The following ALMS1 variants were observed in gnomAD, a reference collection of about 807,000 sequenced individuals.
The protein encoded by ALMS1 is centrosome-associated protein ALMS1.
ALMS1 carries 271 observed loss-of-function variants against 352.2 expected under a neutral mutation model. That is an observed-to-expected ratio of 0.77 (90% CI 0.70 to 0.85). The LOEUF is 0.85. ALMS1 is among the 40% of genes least tolerant of loss of function. The probability of loss-of-function intolerance (pLI) is 0.00; values close to 1 mark genes in which losing one functional copy is unlikely to be tolerated. For missense variants in ALMS1, 5,445 were observed against 4,870.7 expected (o/e 1.12, Z -3.51); for synonymous variants, 1,865 against 1,761.2 (o/e 1.06, Z -1.48).
chr2:73,604,780 GC>G (rs1382225059), intron 21 of ALMS1, among the ~76,000 whole-genome samples: 1 of 152,162 alleles, frequency 6.6e-6, no homozygotes, highest in African/African-American at 2.4e-5. Flanking sequence ...GATGTTCTGT[GC>G]CTTTTTTGCT....
At chr2:73,423,028 C>T in intron 4 of ALMS1, 54 bp downstream of exon 4, 16 of 1,474,414 alleles carry the variant, frequency 1.1e-5, no homozygotes, top group Non-Finnish European at 1.5e-5. Context: ...TATGTTTTTA[C>T]TAATATTAGT....
chr2:73,574,554 A>G (rs1017570068), intron 16 of ALMS1, among the ~76,000 whole-genome samples: 1 of 152,200 alleles, frequency 6.6e-6, no homozygotes, highest in Non-Finnish European at 1.5e-5. Flanking sequence ...CCACTGGTCT[A>G]GAGAAAGGGA....
At chr2:73,589,850 C>A (rs1187951017) in intron 16 of ALMS1, among the ~76,000 whole-genome samples, 2 of 152,166 alleles carry the variant, frequency 1.3e-5, no homozygotes, top group Non-Finnish European at 2.9e-5. Flanking sequence ...CTGTCTTTAG[C>A]ATATATACCC....
At chr2:73,600,935 C>T in intron 18 of ALMS1, 54 bp downstream of exon 18, 2 of 1,562,866 alleles carry the variant, frequency 1.3e-6, no homozygotes, top group Non-Finnish European at 1.7e-6. Context: ...TTTCAAGTCC[C>T]CTGCGATGCT....
intron 9 of ALMS1, among the ~76,000 whole-genome samples, chr2:73,464,075 A>C (rs1410828339): frequency 1.3e-5 from 2 of 152,186 alleles, no homozygotes; most frequent in Non-Finnish European, 2.9e-5. Flanking sequence ...AAAAGAGGGA[A>C]TCCTCCCTAA....
intron 12 of ALMS1, among the ~76,000 whole-genome samples, chr2:73,545,823 T>C (rs1674302748): frequency 6.6e-6 from 1 of 152,252 alleles, no homozygotes; most frequent in Non-Finnish European, 1.5e-5. Flanking sequence ...GCATGCACTC[T>C]ACCCTTTATG....
intron 11 of ALMS1, among the ~76,000 whole-genome samples, chr2:73,525,195 T>C (rs1000823869): frequency 1.3e-5 from 2 of 152,356 alleles, no homozygotes; most frequent in Admixed American, 6.5e-5. Flanking sequence ...CTTAGGTTGC[T>C]TCTAAATTTT....
intron 1 of ALMS1, among the ~76,000 whole-genome samples, chr2:73,394,468 C>G (rs536269376): frequency 6.6e-6 from 1 of 152,166 alleles, no homozygotes; most frequent in Non-Finnish European, 1.5e-5. Flanking sequence ...TCTCCTGCCT[C>G]AGCCTCCAGT....
intron 1 of ALMS1, among the ~76,000 whole-genome samples, chr2:73,404,054 C>T (rs1231544402): frequency 6.6e-6 from 1 of 152,124 alleles, no homozygotes; most frequent in Non-Finnish European, 1.5e-5. Context: ...CGCGCTGCCA[C>T]ACCTGGCTAA....
At chr2:73,558,441 T>C (rs975649906) in intron 14 of ALMS1, among the ~76,000 whole-genome samples, 13 of 152,228 alleles carry the variant, frequency 8.5e-5, no homozygotes, top group Admixed American at 2.6e-4. Context: ...TCAAAAACTT[T>C]AGTGTTTCAT....
chr2:73,451,872 C>CT lies in ALMS1; in HGVS notation c.5346dup (p.Leu1783SerfsTer11). On this transcript the variant is annotated frameshift_variant, in exon 8 of 23. Transcript: ENST00000613296. LOFTEE classifies it high-confidence loss of function. The stretch of plus-strand genomic sequence containing the variant: ...CCAGATAGTCATCTAACTGAAGAGG[C>CT]TCTGAAAGTTTCAAATGTTCCTGGA... The CT allele has an allele frequency of 6.2e-7, 1 of 1,613,542 alleles. No individual in the cohort carries two copies. Among genetic ancestry groups the CT allele is most frequent in the Non-Finnish European group, 8.5e-7 (1 of 1,179,708 alleles).
intron 12 of ALMS1, among the ~76,000 whole-genome samples, chr2:73,543,539 T>TTC (rs1184815766): frequency 6.6e-6 from 1 of 152,092 alleles, no homozygotes; most frequent in African/African-American, 2.4e-5. Context: ...ACTAAAGAGC[T>TTC]TCTGCACAGT....
At chr2:73,386,431 G>T (rs1670536139) in intron 1 of ALMS1, among the ~76,000 whole-genome samples, 1 of 152,132 alleles carries the variant, frequency 6.6e-6, no homozygotes, top group African/African-American at 2.4e-5. Context: ...TTGAACTCCC[G>T]TAGACGTTCA....
intron 1 of ALMS1, 32 bp from the exon 2 acceptor site, chr2:73,408,590 T>C (rs1320943807): frequency 1.2e-6 from 2 of 1,605,960 alleles, no homozygotes; most frequent in East Asian, 2.2e-5. Context: ...GATTGTGTTA[T>C]TACTCTATTT....
intron 9 of ALMS1, among the ~76,000 whole-genome samples, chr2:73,482,379 T>G (rs2103868977): frequency 6.6e-6 from 1 of 152,338 alleles, no homozygotes. Context: ...CTGGATTACA[T>G]TTATTGATTT....
In ALMS1 at chr2:73,453,532, T is replaced by C. The variant is rs781592497; in HGVS notation, c.7005T>C (p.Asp2335=). ...ESPSSRCIQK[D]IGTQTNLKCR... is the part of the protein sequence containing the mutation. ...CAAGCAGCAGGTGCATACAGAAGGATATTGGCACACAGACGAATTTGAAAT... is the reference window on the plus strand; with the variant it reads ...CAAGCAGCAGGTGCATACAGAAGGACATTGGCACACAGACGAATTTGAAAT... Residue 2335 remains aspartate, a synonymous_variant, in exon 8 of 23, where the codon GAT becomes GAC. Transcript: ENST00000613296. 6.2e-6 allele frequency: 10 copies of C among 1,613,558 alleles called. No individual in the cohort carries two copies. Among genetic ancestry groups the C allele is most frequent in the Middle Eastern group, 1.6e-4 (1 of 6,084 alleles).
intron 12 of ALMS1, among the ~76,000 whole-genome samples, chr2:73,548,540 T>C (rs546093560): frequency 8.5e-5 from 13 of 152,154 alleles, no homozygotes; most frequent in African/African-American, 2.9e-4. Flanking sequence ...GAACGAGGGG[T>C]GGTGGTGCAG....
At chr2:73,459,650 G>T (rs1318512354) in intron 9 of ALMS1, among the ~76,000 whole-genome samples, 1 of 151,916 alleles carries the variant, frequency 6.6e-6, no homozygotes, top group East Asian at 1.9e-4. Flanking sequence ...TCCCACACTT[G>T]CCCACTGGAA....
intron 11 of ALMS1, among the ~76,000 whole-genome samples, chr2:73,529,198 C>T (rs1477279906): frequency 6.6e-6 from 1 of 152,024 alleles, no homozygotes; most frequent in Non-Finnish European, 1.5e-5. Flanking sequence ...GGTGCGCCAC[C>T]ACACCCAGCT....
Sources: allele counts gnomAD v4.1 joint callset (sites outside exome capture counted in the v4.1 genomes callset), GRCh38; gene constraint gnomAD v4.1.1; transcripts MANE v1.5; gene names NCBI Gene and HGNC (gene_info 2026-07-23, HGNC 2026-07-21).